FOXJ3: variants seen among roughly 807,000 people sequenced by gnomAD.
FOXJ3 encodes the protein forkhead box protein J3.
Under a neutral mutation model 76.1 loss-of-function variants are expected in FOXJ3, and 22 were observed. The observed-to-expected ratio is 0.29, with a 90% CI of 0.21 to 0.41. The LOEUF (loss-of-function observed/expected upper bound fraction) is 0.41. FOXJ3 is among the 10% of genes least tolerant of loss of function. The pLI is 1.00. For missense variants in FOXJ3, 613 were observed against 762.1 expected (o/e 0.80, Z 2.30); for synonymous variants, 269 against 261.2 (o/e 1.03, Z -0.29).
At chr1:42,256,011 G>A (rs919273798) in intron 4 of FOXJ3, among the ~76,000 whole-genome samples, 1 of 152,158 alleles carries the variant, frequency 6.6e-6, no homozygotes, top group Admixed American at 6.5e-5. Flanking sequence ...AACAGAGCGA[G>A]ACTTCGTCTC....
chr1:42,215,003 A>G (rs1205497184), intron 5 of FOXJ3, among the ~76,000 whole-genome samples: 1 of 152,250 alleles, frequency 6.6e-6, no homozygotes, highest in Non-Finnish European at 1.5e-5. Context: ...TAAGCCAGCT[A>G]AAGTACAGAT....
chr1:42,289,895 C>CAAA (rs1217982956), intron 2 of FOXJ3, among the ~76,000 whole-genome samples: 1 of 151,896 alleles, frequency 6.6e-6, no homozygotes, highest in Non-Finnish European at 1.5e-5. Context: ...GTCTTTTACA[C>CAAA]AAAACCACTT....
chr1:42,277,361 T>C (rs1352947609), intron 3 of FOXJ3, among the ~76,000 whole-genome samples: 3 of 61,998 alleles, frequency 4.8e-5, no homozygotes, highest in Non-Finnish European at 1.2e-4. Context: ...TTGTCTCTAA[T>C]TAAAAAAAAA....
chr1:42,194,930 G>C lies in FOXJ3; in HGVS notation c.894C>G (p.Ser298Arg), dbSNP rs1005598382. Residue 298 changes from serine to arginine, a missense_variant, in exon 8 of 13, where the codon AGC (serine) becomes AGG (arginine). Transcript: ENST00000361346. ...ACTGCTCAAAAACTGACTTATAAAG[G>C]CTCCGAAATGAGGCACTAAGATCTT... ...NFEDLSASFR[S>R]LYKSVFEQSL... 1.2e-6 allele frequency: 2 copies of C among 1,610,948 alleles called. No homozygotes were observed. The highest frequency in any genetic ancestry group is 1.3e-5 in the African/African-American group (1 of 74,726).
chr1:42,278,757 C>A, intron 2 of FOXJ3, 85 bp from the exon 3 acceptor site: 1 of 997,626 alleles, frequency 1.0e-6, no homozygotes, highest in Non-Finnish European at 1.5e-6. Flanking sequence ...TCTAGGAGTT[C>A]CAAAGTGAGG....
intron 2 of FOXJ3, among the ~76,000 whole-genome samples, chr1:42,304,063 G>A (rs1654317792): frequency 1.3e-5 from 2 of 152,020 alleles, no homozygotes; most frequent in Admixed American, 6.6e-5. Context: ...ACGGACAGCT[G>A]CAGGAGACAA....
chr1:42,334,374 A>G (rs1656337517), intron 1 of FOXJ3, among the ~76,000 whole-genome samples: 1 of 152,080 alleles, frequency 6.6e-6, no homozygotes, highest in Admixed American at 6.5e-5. Flanking sequence ...AGGAAAAACC[A>G]TCCCGTTAAC....
At chr1:42,256,286 A>G (rs2124594910) in intron 4 of FOXJ3, among the ~76,000 whole-genome samples, 1 of 152,354 alleles carries the variant, frequency 6.6e-6, no homozygotes, top group Non-Finnish European at 1.5e-5. Context: ...TGAAAGCAAA[A>G]AGGCAAACCA....
chr1:42,194,258 ACC>A (rs1646607853), intron 8 of FOXJ3, among the ~76,000 whole-genome samples: 1 of 152,214 alleles, frequency 6.6e-6, no homozygotes, highest in Non-Finnish European at 1.5e-5. Context: ...TGACATTTTT[ACC>A]CTCTGATTAA....
At chr1:42,327,428 T>C (rs1162319733) in intron 1 of FOXJ3, among the ~76,000 whole-genome samples, 1 of 152,198 alleles carries the variant, frequency 6.6e-6, no homozygotes, top group Admixed American at 6.5e-5. Context: ...CAAAATTTGA[T>C]GGCCAAGCCA....
chr1:42,269,508 T>C (rs1651715521), intron 3 of FOXJ3, among the ~76,000 whole-genome samples: 1 of 152,262 alleles, frequency 6.6e-6, no homozygotes, highest in East Asian at 1.9e-4. Context: ...TTACAGCCAA[T>C]TGCCACCTGT....
chr1:42,328,167 G>T (rs1172822495), intron 1 of FOXJ3, among the ~76,000 whole-genome samples: 1 of 152,156 alleles, frequency 6.6e-6, no homozygotes, highest in African/African-American at 2.4e-5. Context: ...GTGGTGGTAC[G>T]CACCTCTAGT....
chr1:42,289,679 A>G (rs983046560), intron 2 of FOXJ3, among the ~76,000 whole-genome samples: 2 of 152,186 alleles, frequency 1.3e-5, no homozygotes, highest in Non-Finnish European at 2.9e-5. Context: ...TGAATTACCT[A>G]TAAGTCTTCT....
chr1:42,235,176 C>T (rs1160383813), intron 4 of FOXJ3, among the ~76,000 whole-genome samples: 1 of 152,200 alleles, frequency 6.6e-6, no homozygotes, highest in Non-Finnish European at 1.5e-5. Context: ...ATGAGCAAGG[C>T]TCCGTGGGCG....
intron 11 of FOXJ3, among the ~76,000 whole-genome samples, chr1:42,184,682 C>G: frequency 6.6e-6 from 1 of 152,120 alleles, no homozygotes. Flanking sequence ...TAGTATGTAA[C>G]ATGCTATGGA....
rs570471879 is a variant in FOXJ3 at position 42,240,857 on chromosome 1, A to C, written c.445-12891T>G. The stretch of plus-strand genomic sequence containing the variant: ...CAACCCAAAGAAAATTGAAGAATTT[A>C]TCAAAATTGCAAACTTGTTTTGTCA... On this transcript the variant is annotated intron_variant, in intron 4 of 12. Transcript: ENST00000361346. 4.6e-5 allele frequency among the ~76,000 whole-genome samples: 7 copies of C among 152,374 alleles called. No homozygotes were observed. In the East Asian group the frequency reaches 1.2e-3, roughly 25 times the overall value.
chr1:42,291,848 G>A lies in FOXJ3; in HGVS notation c.45-13176C>T, dbSNP rs368970013. ...ATATAAAGAACTCTCAAAACTCAAT[G>A]AGATGAGAAAACCCATTTTTTTAAA... On this transcript the variant is annotated intron_variant, in intron 2 of 12. Transcript: ENST00000361346. Among the ~76,000 whole-genome samples, 5 of 152,156 alleles carry A rather than the reference G, an allele frequency of 3.3e-5. No individual in the cohort carries two copies. The East Asian group carries it at 9.6e-4, about 29-fold the overall frequency.
At chr1:42,313,187 T>C (rs1475757170) in intron 1 of FOXJ3, among the ~76,000 whole-genome samples, 1 of 151,820 alleles carries the variant, frequency 6.6e-6, no homozygotes, top group African/African-American at 2.4e-5. Context: ...ATACAAAAAA[T>C]TTAGCCGGGC....
At chr1:42,218,829 C>T (rs764686845) in intron 5 of FOXJ3, among the ~76,000 whole-genome samples, 1 of 152,194 alleles carries the variant, frequency 6.6e-6, no homozygotes, top group Non-Finnish European at 1.5e-5. Flanking sequence ...AGTCCTATCA[C>T]TACTCCTCCC....
Sources: gnomAD v4.1 joint callset for allele counts (sites outside exome capture counted in the v4.1 genomes callset) on GRCh38, gnomAD v4.1.1 for gene constraint, MANE v1.5 for transcripts, NCBI Gene and HGNC (gene_info 2026-07-23, HGNC 2026-07-21) for gene names.